The following SPOCK3 variants were observed in gnomAD, a reference collection of about 807,000 sequenced individuals.
SPOCK3 encodes testican-3.
A neutral mutation model predicts 56.6 loss-of-function variants in SPOCK3; 30 were observed. The ratio of observed to expected loss-of-function variants is 0.53; its 90% CI spans 0.40 to 0.72. The LOEUF (loss-of-function observed/expected upper bound fraction) is 0.72. SPOCK3 is among the 30% of genes least tolerant of loss of function. The pLI, the probability that SPOCK3 is intolerant of heterozygous loss-of-function variation, is 0.00. For missense variants in SPOCK3, 527 were observed against 530.0 expected (o/e 0.99, Z 0.06); for synonymous variants, 196 against 183.3 (o/e 1.07, Z -0.56).
At chr4:167,205,432 TATATA>T (rs1439734158) in intron 2 of SPOCK3, among the ~76,000 whole-genome samples, 746 of 49,252 alleles carry the variant, frequency 0.015, 25 homozygotes, top group Non-Finnish European at 0.02. Flanking sequence ...TAATATATAA[TATATA>T]ATATAATATA....
chr4:166,880,893 A>G (rs1687430611), intron 6 of SPOCK3, among the ~76,000 whole-genome samples: 1 of 152,188 alleles, frequency 6.6e-6, no homozygotes, highest in Admixed American at 6.5e-5. Flanking sequence ...TAAGTATTTA[A>G]AAATCCATAT....
At chr4:167,062,598 T>C (rs1029392106) in intron 2 of SPOCK3, 61 bp from the exon 3 acceptor site, 3 of 1,300,268 alleles carry the variant, frequency 2.3e-6, no homozygotes, top group African/African-American at 2.9e-5. Context: ...AGGGTTCATA[T>C]AAAATCTAAA....
chr4:166,787,581 C>T (rs1290394252), intron 7 of SPOCK3, among the ~76,000 whole-genome samples: 4 of 151,976 alleles, frequency 2.6e-5, no homozygotes, highest in Non-Finnish European at 5.9e-5. Flanking sequence ...AAAACACAAA[C>T]AAGCGTTTTT....
intron 2 of SPOCK3, among the ~76,000 whole-genome samples, chr4:167,206,134 G>GC (rs1734307313): frequency 2.0e-5 from 3 of 151,944 alleles, no homozygotes; most frequent in African/African-American, 7.3e-5. Context: ...GACCAGCCTA[G>GC]CTAATGTGGT....
intron 2 of SPOCK3, among the ~76,000 whole-genome samples, chr4:167,163,696 C>CAA (rs1344514826): frequency 1.3e-5 from 2 of 151,966 alleles, no homozygotes; most frequent in African/African-American, 4.8e-5. Context: ...CTTATCTTTC[C>CAA]ATGCCTGACT....
intron 4 of SPOCK3, among the ~76,000 whole-genome samples, chr4:166,995,917 C>G (rs1002308518): frequency 6.6e-6 from 1 of 152,056 alleles, no homozygotes; most frequent in African/African-American, 2.4e-5. Context: ...CACTATATAA[C>G]TTATGCTTTG....
At chr4:166,860,817 G>GTATATATATATATATATATA (rs1307737257) in intron 6 of SPOCK3, among the ~76,000 whole-genome samples, 1 of 31,164 alleles carries the variant, frequency 3.2e-5, no homozygotes, top group African/African-American at 1.1e-4. Flanking sequence ...ATATATATAT[G>GTATATATATATATATATATA]TATATATATA....
chr4:167,057,219 T>C (rs547722036), intron 3 of SPOCK3, among the ~76,000 whole-genome samples: 1 of 152,266 alleles, frequency 6.6e-6, no homozygotes, highest in East Asian at 1.9e-4. Context: ...TAAAATACTT[T>C]ACAGACAAGC....
At position 167,075,812 on chromosome 4, in the gene SPOCK3, T is replaced by C. The variant is rs1419247805; in HGVS notation, c.190-13275A>G. On this transcript the variant is annotated intron_variant, in intron 2 of 10. Transcript: ENST00000357545. ...GCACACCACCACACCTGGTCAATATTTTACTTCTATTTTGTATGTGAATTA... is the reference window on the plus strand; with the variant it reads ...GCACACCACCACACCTGGTCAATATCTTACTTCTATTTTGTATGTGAATTA... 3.3e-5 allele frequency among the ~76,000 whole-genome samples: 5 copies of C among 151,854 alleles called. No homozygotes were observed. In the East Asian group the frequency reaches 9.8e-4, roughly 30 times the overall value.
chr4:166,862,555 T>C (rs893617420), intron 6 of SPOCK3, among the ~76,000 whole-genome samples: 2 of 152,102 alleles, frequency 1.3e-5, no homozygotes. Context: ...GTGTTCTCTT[T>C]TACAAATATT....
At chr4:167,075,513 A>G (rs532608734) in intron 2 of SPOCK3, among the ~76,000 whole-genome samples, 1 of 152,104 alleles carries the variant, frequency 6.6e-6, no homozygotes, top group East Asian at 1.9e-4. Flanking sequence ...CTACGAATTC[A>G]ACCAATAATA....
rs545443692 is a variant in SPOCK3 at position 167,218,735 on chromosome 4, T to A, written c.189+15250A>T. 9.8e-4 allele frequency among the ~76,000 whole-genome samples: 149 copies of A among 152,300 alleles called. 5 individuals are homozygous for A. In the South Asian group the frequency reaches 0.029, roughly 30 times the overall value. ...CCACCTTCCCATTTTAAAAAATTTT[T>A]ATCTAGAAAAATATGTAAACGAAAG... On this transcript the variant is annotated intron_variant, in intron 2 of 10. Coordinates refer to ENST00000357545, the MANE Select transcript of SPOCK3 (RefSeq NM_001040159.2).
chr4:166,863,825 C>T (rs1278465241), intron 6 of SPOCK3, among the ~76,000 whole-genome samples: 1 of 152,096 alleles, frequency 6.6e-6, no homozygotes, highest in Non-Finnish European at 1.5e-5. Flanking sequence ...GACTCCTACA[C>T]AATAATAGTG....
chr4:166,865,364 C>T (rs1340182066), intron 6 of SPOCK3, among the ~76,000 whole-genome samples: 3 of 152,078 alleles, frequency 2.0e-5, no homozygotes, highest in Non-Finnish European at 4.4e-5. Context: ...CCCTTTGAAA[C>T]CGGCACAAGA....
intron 4 of SPOCK3, among the ~76,000 whole-genome samples, chr4:166,922,752 C>T (rs989341215): frequency 6.6e-6 from 1 of 152,188 alleles, no homozygotes; most frequent in Non-Finnish European, 1.5e-5. Flanking sequence ...ACGCAGGAAG[C>T]AGCAGGGCAG....
intron 8 of SPOCK3, among the ~76,000 whole-genome samples, chr4:166,750,826 A>G (rs1736277578): frequency 2.6e-5 from 4 of 152,238 alleles, no homozygotes; most frequent in Admixed American, 2.0e-4. Context: ...ACTTGAAAGA[A>G]GTCATTTCTA....
At chr4:166,937,584 T>C (rs1175533669) in intron 4 of SPOCK3, among the ~76,000 whole-genome samples, 4 of 148,582 alleles carry the variant, frequency 2.7e-5, no homozygotes, top group Non-Finnish European at 3.0e-5. Context: ...GTGAAAACCA[T>C]TTTCAGTAAT....
intron 4 of SPOCK3, among the ~76,000 whole-genome samples, chr4:166,926,723 A>C (rs1739149415): frequency 6.6e-6 from 1 of 152,254 alleles, no homozygotes; most frequent in East Asian, 1.9e-4. Flanking sequence ...AGTAATAGGT[A>C]TGTATGGAAT....
intron 6 of SPOCK3, among the ~76,000 whole-genome samples, chr4:166,828,428 A>G (rs1241350929): frequency 6.6e-6 from 1 of 152,040 alleles, no homozygotes; most frequent in Non-Finnish European, 1.5e-5. Flanking sequence ...TTTTCAGGGA[A>G]GAAAAATATT....
Sources: allele counts gnomAD v4.1 joint callset (sites outside exome capture counted in the v4.1 genomes callset), GRCh38; gene constraint gnomAD v4.1.1; transcripts MANE v1.5; gene names NCBI Gene and HGNC (gene_info 2026-07-23, HGNC 2026-07-21).